TRA2B: variants seen among roughly 807,000 people sequenced by gnomAD.
TRA2B encodes the protein transformer-2 protein homolog beta.
In TRA2B, 14 loss-of-function variants were observed where a neutral mutation model predicts 41.7. That is an observed-to-expected ratio of 0.34 (90% CI 0.22 to 0.53). TRA2B has a LOEUF of 0.53. Among genes scored for constraint, TRA2B ranks in the 20% least tolerant of loss-of-function variants. The pLI is 0.95. For synonymous variants in TRA2B, 130 were observed against 128.8 expected (o/e 1.01, Z -0.06); for missense variants, 167 against 396.8 (o/e 0.42, Z 4.92).
chr3:185,935,636 G>A (rs766770435), intron 1 of TRA2B: 172 of 985,330 alleles, frequency 1.7e-4, no homozygotes, highest in Non-Finnish European at 2.0e-4. Flanking sequence ...GAAGCCTGGA[G>A]TTGAATAACA....
intron 6 of TRA2B, among the ~76,000 whole-genome samples, chr3:185,920,690 T>G (rs1743699917): frequency 1.3e-5 from 2 of 152,204 alleles, no homozygotes; most frequent in Admixed American, 1.3e-4. Flanking sequence ...ACTACAGGCG[T>G]GCACCACCAC....
chr3:185,930,781 G>A (rs960514363), intron 1 of TRA2B, among the ~76,000 whole-genome samples: 6 of 152,130 alleles, frequency 3.9e-5, no homozygotes, highest in East Asian at 1.9e-4. Flanking sequence ...CTTTGTAACC[G>A]TTACCTCTAA....
chr3:185,923,902 G>C lies in TRA2B; in HGVS notation c.416C>G (p.Ser139Cys). 1.2e-6 allele frequency: 2 copies of C among 1,614,040 alleles called. No individual in the cohort carries two copies. Among genetic ancestry groups the C allele is most frequent in the South Asian group, 1.1e-5 (1 of 91,082 alleles). ...TTERDLREVFSKYGPIADVSI... is the reference protein window; with the variant it reads ...TTERDLREVFCKYGPIADVSI... ...CACATCGGCAATGGGACCATATTTA[G>C]AGAACACTTCTCTTAGATCTCTTTC... is the stretch of plus-strand genomic sequence containing the variant. The change falls in exon 4 of 9, where the codon TCT becomes TGT. Residue 139 changes from serine (S) to cysteine (C), a missense_variant. By Grantham distance (112) the Ser-to-Cys change is moderately radical. Coordinates refer to ENST00000453386, the MANE Select transcript of TRA2B (RefSeq NM_004593.3).
At chr3:185,929,755 T>C (rs888187238) in intron 1 of TRA2B, among the ~76,000 whole-genome samples, 18 of 152,206 alleles carry the variant, frequency 1.2e-4, no homozygotes, top group Admixed American at 1.2e-3. Context: ...AGATTTAAAA[T>C]AGTGGCTCAT....
In TRA2B at chr3:185,925,273, T is replaced by C. The variant is rs75569519; in HGVS notation, c.333+191A>G. On this transcript the variant is annotated intron_variant, in intron 3 of 8. Transcript: ENST00000453386. ...ACCATTGTGTCAGTATTATGCTTAA[T>C]TGACAGGCAGCCCAAATGCAGACCC... The C allele has an allele frequency of 4.3e-3, 2,614 of 602,460 alleles. 107 individuals carry two copies. The East Asian group carries it at 0.078, about 18-fold the overall frequency. The allele number at this position is 602,460 out of a possible 1,614,324, so 37.3% of individuals were successfully genotyped here. A position where few individuals can be genotyped will look rare whatever the true frequency, so the allele number is the denominator to read the frequency against.
chr3:185,930,005 T>A (rs1048348374), intron 1 of TRA2B, among the ~76,000 whole-genome samples: 6 of 152,154 alleles, frequency 3.9e-5, no homozygotes, highest in Admixed American at 3.9e-4. Flanking sequence ...CTCCTCCTCA[T>A]CTTCCCTATG....
rs1334394597 is a variant in TRA2B at position 185,922,135 on chromosome 3, G to A, written c.523-9C>T. 35 of 1,605,020 alleles carry A rather than the reference G, an allele frequency of 2.2e-5. No individual in the cohort carries two copies. Among genetic ancestry groups the A allele is most frequent in the Non-Finnish European group, 2.7e-5 (32 of 1,173,524 alleles). ...TTGGCACGTTCTTTAGCCTTCAAAA[G>A]GTAAATAAATTGTTACATACATCCT... is the stretch of plus-strand genomic sequence containing the variant. On this transcript the variant is annotated splice_polypyrimidine_tract_variant and intron_variant, in intron 4 of 8. Transcript: ENST00000453386.
rs1490548334 is a variant in TRA2B, at chr3:185,917,701, A to G, written c.*14T>C. 6.2e-6 allele frequency: 10 copies of G among 1,613,084 alleles called. No homozygotes were observed. The highest frequency in any genetic ancestry group is 4.0e-5 in the African/African-American group (3 of 74,882). ...ATCCCAGCTCTAGGGCAGGTTTCAG[A>G]AAGTCTTCATGCTTTAATAGCGACC... is the stretch of plus-strand genomic sequence containing the variant. On this transcript the variant is annotated 3_prime_UTR_variant, in exon 9 of 9. Transcript: ENST00000453386.
At chr3:185,918,645 A>C (rs953075036) in intron 7 of TRA2B, among the ~76,000 whole-genome samples, 1 of 152,216 alleles carries the variant, frequency 6.6e-6, no homozygotes, top group African/African-American at 2.4e-5. Flanking sequence ...TTAAGGTCAA[A>C]TAATCCTTGC....
intron 1 of TRA2B, chr3:185,929,152 C>G (rs575857346): frequency 6.6e-6 from 1 of 152,276 alleles, no homozygotes; most frequent in East Asian, 1.9e-4. Context: ...TTGGGTAACA[C>G]CTAAACGTCT....
intron 1 of TRA2B, among the ~76,000 whole-genome samples, chr3:185,931,320 T>A (rs1744147231): frequency 6.6e-6 from 1 of 152,138 alleles, no homozygotes; most frequent in Admixed American, 6.5e-5. Context: ...ACAGGTAAAG[T>A]TTATCTAGAG....
At chr3:185,928,935 T>C (rs1329610879) in intron 1 of TRA2B, 2 of 152,202 alleles carry the variant, frequency 1.3e-5, no homozygotes, top group East Asian at 3.8e-4. Context: ...GAGACAGTAC[T>C]CCTAACCTAG....
chr3:185,924,138 G>T, intron 3 of TRA2B, 154 bp from the exon 4 acceptor site: 1 of 549,248 alleles, frequency 1.8e-6, no homozygotes, highest in Non-Finnish European at 2.9e-6. Context: ...ATTACAGCAA[G>T]TACTACAAGT....
At chr3:185,935,919 C>CA (rs1744334990) in intron 1 of TRA2B, 1 of 985,378 alleles carries the variant, frequency 1.0e-6, no homozygotes, top group Non-Finnish European at 1.2e-6. Flanking sequence ...CAATTTTTAA[C>CA]ACATTAAGTT....
Position 185,917,546 on chromosome 3 carries a change from T to C in TRA2B, c.*169A>G, listed in dbSNP as rs564446866. The C allele has an allele frequency of 6.7e-6, 4 of 594,378 alleles. No homozygotes were observed. In the East Asian group the frequency reaches 1.2e-4, roughly 18 times the overall value. 36.8% of individuals were successfully genotyped at this position (594,378 alleles called of 1,614,324 possible). A position where few individuals can be genotyped will look rare whatever the true frequency, so the allele number is the denominator to read the frequency against. On this transcript the variant is annotated 3_prime_UTR_variant, in exon 9 of 9. Coordinates refer to ENST00000453386, the MANE Select transcript of TRA2B (RefSeq NM_004593.3). ...GGAACAAAGCACCAAACTACACAAA[T>C]GCAGAATGAAAACAGCATTTCAACT...
chr3:185,916,515 G>A lies in TRA2B; in HGVS notation c.*1200C>T, dbSNP rs867985596. ...AATAAGAACATGTATTAAAGTACCC[G>A]CAGTCTAGTTATTTACTGTAACTCC... is the stretch of plus-strand genomic sequence containing the variant. On this transcript the variant is annotated 3_prime_UTR_variant, in exon 9 of 9. Transcript: ENST00000453386. The A allele has an allele frequency of 5.9e-5, 9 of 152,202 alleles. No individual in the cohort carries two copies. The highest frequency in any genetic ancestry group is 2.1e-4 in the South Asian group (1 of 4,828). 9.4% of individuals were successfully genotyped at this position (152,202 alleles called of 1,614,324 possible).
chr3:185,936,158 T>C, intron 1 of TRA2B: 3 of 985,418 alleles, frequency 3.0e-6, no homozygotes, highest in Non-Finnish European at 3.6e-6. Flanking sequence ...AAGCCAGTCA[T>C]TTAGTATTTT....
rs1265846605 is a variant in TRA2B, at chr3:185,915,388, G to T, written c.*2327C>A. Among the ~76,000 whole-genome samples the T allele has an allele frequency of 6.6e-6, 1 of 152,210 alleles. No homozygotes were observed. The highest frequency in any genetic ancestry group is 1.5e-5 in the Non-Finnish European group (1 of 68,034). On this transcript the variant is annotated 3_prime_UTR_variant, in exon 9 of 9. Transcript: ENST00000453386. ...CTCCAAGTCCCTTTGCCTTGAGGCA[G>T]TAACTTTAAGACTCAAATTTATCCT...
At chr3:185,922,443 C>A (rs1578475345) in intron 4 of TRA2B, 1 of 192,690 alleles carries the variant, frequency 5.2e-6, no homozygotes, top group East Asian at 1.3e-4. Context: ...TTCTGTATAA[C>A]CCATAAGCTA....
Sources: gnomAD v4.1 joint callset for allele counts (sites outside exome capture counted in the v4.1 genomes callset) on GRCh38, gnomAD v4.1.1 for gene constraint, MANE v1.5 for transcripts, NCBI Gene and HGNC (gene_info 2026-07-23, HGNC 2026-07-21) for gene names.